The following AMZ2 variants were observed in gnomAD, a reference collection of about 807,000 sequenced individuals.
The protein encoded by AMZ2 is archaelysin family metallopeptidase 2.
Under a neutral mutation model 36.7 loss-of-function variants are expected in AMZ2, and 26 were observed. The observed-to-expected ratio is 0.71, with a 90% CI of 0.52 to 0.98. The LOEUF (loss-of-function observed/expected upper bound fraction) is 0.98. Ranked by LOEUF, AMZ2 falls within the 50% of genes least tolerant of loss-of-function variation. The pLI, the probability that AMZ2 is intolerant of heterozygous loss-of-function variation, is 0.00. For missense variants in AMZ2, 394 were observed against 430.5 expected (o/e 0.92, Z 0.75); for synonymous variants, 144 against 149.1 (o/e 0.97, Z 0.25).
At chr17:68,217,617 G>A (rs2073232142) in intron 1 of AMZ2, among the ~76,000 whole-genome samples, 1 of 152,050 alleles carries the variant, frequency 6.6e-6, no homozygotes, top group African/African-American at 2.4e-5. Flanking sequence ...CTGTACTTTT[G>A]TGGTAGATTA....
chr17:68,211,792 ATATATGTG>A (rs1568340193), intron 1 of AMZ2, among the ~76,000 whole-genome samples: 1 of 89,780 alleles, frequency 1.1e-5, no homozygotes, highest in African/African-American at 7.0e-5. Flanking sequence ...ATGTATATGT[ATATATGTG>A]TATATGTATA....
chr17:68,236,962 T>A (rs1385671781), intron 1 of AMZ2, among the ~76,000 whole-genome samples: 1 of 152,192 alleles, frequency 6.6e-6, no homozygotes, highest in Non-Finnish European at 1.5e-5. Context: ...TGGGACTTTT[T>A]AAAACATTTC....
In AMZ2 at chr17:68,254,513, C is replaced by T. The variant is rs781970033; in HGVS notation, c.696C>T (p.Phe232=). Residue 232 remains phenylalanine (F), a synonymous_variant, in exon 5 of 7, where the codon TTC becomes TTT. Transcript: ENST00000359904. ...KKTSSSDYSI[F]DNYYIPEITS... ...CATCTTCAAGTGACTATTCAATTTTCGACAACTATTATATTCCAGAAATAA... is the reference window on the plus strand; with the variant it reads ...CATCTTCAAGTGACTATTCAATTTTTGACAACTATTATATTCCAGAAATAA... The T allele has an allele frequency of 3.0e-5, 48 of 1,613,148 alleles. No individual in the cohort carries two copies. Among genetic ancestry groups the T allele is most frequent in the South Asian group, 1.4e-4 (13 of 91,020 alleles).
intron 5 of AMZ2, among the ~76,000 whole-genome samples, chr17:68,254,970 C>T (rs1240934760): frequency 5.3e-5 from 8 of 152,296 alleles, no homozygotes; most frequent in East Asian, 1.9e-4. Context: ...AGGTTACCCT[C>T]GACTGTAGTT....
chr17:68,238,159 A>G (rs1248563329), intron 1 of AMZ2, among the ~76,000 whole-genome samples: 1 of 152,208 alleles, frequency 6.6e-6, no homozygotes. Flanking sequence ...AGCATCCTCC[A>G]GGGTTCAACT....
chr17:68,253,955 G>C (rs2074695639), intron 4 of AMZ2, among the ~76,000 whole-genome samples: 1 of 152,006 alleles, frequency 6.6e-6, no homozygotes, highest in African/African-American at 2.4e-5. Context: ...ATGTTAGCCA[G>C]GCTGGTCTTG....
Position 68,256,730 on chromosome 17 carries a change from A to G in AMZ2, c.928-84A>G, listed in dbSNP as rs536828870. The G allele has an allele frequency of 1.6e-5, 22 of 1,418,536 alleles. No homozygotes were observed. The African/African-American group carries it at 1.9e-4, about 12-fold the overall frequency. 87.9% of individuals were successfully genotyped at this position (1,418,536 alleles called of 1,614,324 possible). Reference sequence around the variant, plus strand: ...TCTTCATGGGGTAATATGTCACCCTATGATCTAGAAGCCAATGCTTCTCTC... The same window carrying G: ...TCTTCATGGGGTAATATGTCACCCTGTGATCTAGAAGCCAATGCTTCTCTC... On this transcript the variant is annotated intron_variant, in intron 6 of 6. Coordinates refer to ENST00000359904, the MANE Select transcript of AMZ2 (RefSeq NM_016627.5).
chr17:68,245,566 A>T (rs1442186409), upstream of AMZ2, among the ~76,000 whole-genome samples: 1 of 152,124 alleles, frequency 6.6e-6, no homozygotes, highest in Non-Finnish European at 1.5e-5. Context: ...TTATTTAAGA[A>T]AATAAATATT....
chr17:68,209,600 GTGTGTATATGTA>G (rs1183406811), intron 1 of AMZ2, among the ~76,000 whole-genome samples: 53 of 121,194 alleles, frequency 4.4e-4, no homozygotes, highest in African/African-American at 1.3e-3. Context: ...GTGTGTGTGT[GTGTGTATATGTA>G]TATATATATA....
At chr17:68,251,954 C>CATTAGGAACTCTGTATGGTAAT (rs1216659255) in intron 4 of AMZ2, among the ~76,000 whole-genome samples, 39 of 151,626 alleles carry the variant, frequency 2.6e-4, no homozygotes, top group Non-Finnish European at 4.9e-4. Context: ...AACCTTGACT[C>CATTAGGAACTCTGTATGGTAAT]ATTAGGAACT....
Position 68,248,080 on chromosome 17 carries a change from G to C in AMZ2, c.-626G>C, listed in dbSNP as rs118095633. On this transcript the variant is annotated 5_prime_UTR_variant, in exon 1 of 7. Transcript: ENST00000359904. Reference sequence around the variant, plus strand: ...CGCGGTGCGCATGCGCGTGAGGGCTGCCGCGGGTGGGTGGTATCGAGGCCT... The same window carrying C: ...CGCGGTGCGCATGCGCGTGAGGGCTCCCGCGGGTGGGTGGTATCGAGGCCT... The C allele has an allele frequency of 1.0e-6, 1 of 986,266 alleles. No individual in the cohort carries two copies. Among genetic ancestry groups the C allele is most frequent in the Non-Finnish European group, 1.2e-6 (1 of 830,494 alleles). The allele number at this position is 986,266 out of a possible 1,614,324, so 61.1% of individuals were successfully genotyped here.
rs1461150805 is a variant in AMZ2, at chr17:68,209,148, T to C, written c.-67+2910T>C. Among the ~76,000 whole-genome samples, 5 of 152,222 alleles carry C rather than the reference T, an allele frequency of 3.3e-5. No individual in the cohort carries two copies. The East Asian group carries it at 5.8e-4, about 18-fold the overall frequency. On this transcript the variant is annotated intron_variant, in intron 1 of 7. Coordinates refer to the AMZ2 transcript ENST00000674770. ...AATTCAGTGTCAGATATTTATGTCT[T>C]ATATGTAGAAAGGACTACATGTAAA... is the stretch of plus-strand genomic sequence containing the variant.
intron 1 of AMZ2, among the ~76,000 whole-genome samples, chr17:68,227,408 TC>T (rs1342029428): frequency 6.6e-6 from 1 of 152,206 alleles, no homozygotes; most frequent in Non-Finnish European, 1.5e-5. Context: ...TGTATGCACT[TC>T]CAGTGACTGC....
intron 4 of AMZ2, 57 bp from the exon 5 acceptor site, chr17:68,254,347 T>C (rs1193077507): frequency 6.5e-7 from 1 of 1,533,514 alleles, no homozygotes; most frequent in Non-Finnish European, 8.8e-7. Flanking sequence ...CTTCTTTCTT[T>C]GGTCTTTCTT....
At chr17:68,254,709 A>G in intron 5 of AMZ2, 142 bp downstream of exon 5, 2 of 725,752 alleles carry the variant, frequency 2.8e-6, no homozygotes. Context: ...CTTGACTGAA[A>G]TGATCAGTAA....
chr17:68,222,695 C>T lies in AMZ2; in HGVS notation c.-67+16457C>T, dbSNP rs150690566. On this transcript the variant is annotated intron_variant, in intron 1 of 7. Transcript: ENST00000674770. ...TATGGAGTGCTCAATCTAGATCCCT[C>T]AAATGCGCAGTTCACAATAGGGTTT... 7.0e-3 allele frequency among the ~76,000 whole-genome samples: 1,060 copies of T among 152,196 alleles called. 11 individuals carry two copies. The highest frequency in any genetic ancestry group is 0.024 in the African/African-American group (1,006 of 41,520).
intron 1 of AMZ2, among the ~76,000 whole-genome samples, chr17:68,241,827 C>T (rs1444386952): frequency 6.6e-6 from 1 of 151,346 alleles, no homozygotes. Context: ...CAGGTTCAAG[C>T]GATTCTCCTG....
intron 1 of AMZ2, among the ~76,000 whole-genome samples, chr17:68,229,048 A>G (rs1386091065): frequency 6.6e-6 from 1 of 152,136 alleles, no homozygotes; most frequent in Non-Finnish European, 1.5e-5. Flanking sequence ...GGGTTAACTG[A>G]AGCCTTGGCA....
chr17:68,245,211 A>C (rs568514274), upstream of AMZ2, among the ~76,000 whole-genome samples: 254 of 151,674 alleles, frequency 1.7e-3, 4 homozygotes, highest in Middle Eastern at 0.014. Context: ...AAAAAAAAAA[A>C]AAAACCTAAC....
Sources: allele counts gnomAD v4.1 joint callset (sites outside exome capture counted in the v4.1 genomes callset), GRCh38; gene constraint gnomAD v4.1.1; transcripts MANE v1.5; gene names NCBI Gene and HGNC (gene_info 2026-07-23, HGNC 2026-07-21).